The following SHISA8 variants were observed in gnomAD, a reference collection of about 807,000 sequenced individuals.
The protein encoded by SHISA8 is protein shisa-8.
Under a neutral mutation model 21.1 loss-of-function variants are expected in SHISA8, and 21 were observed. The ratio of observed to expected loss-of-function variants is 0.99; its 90% CI spans 0.71 to 1.43. The LOEUF is 1.43. SHISA8 is among the 40% of genes most tolerant of loss of function. The probability of loss-of-function intolerance (pLI) is 0.00; values close to 1 mark genes in which losing one functional copy is unlikely to be tolerated. For missense variants in SHISA8, 535 were observed against 599.1 expected (o/e 0.89, Z 1.12); for synonymous variants, 300 against 291.4 (o/e 1.03, Z -0.30).
intron 1 of SHISA8, among the ~76,000 whole-genome samples, chr22:41,911,630 C>G (rs2146575771): frequency 6.6e-6 from 1 of 152,300 alleles, no homozygotes; most frequent in Non-Finnish European, 1.5e-5. Context: ...AGGGACCTTC[C>G]CCAGGTGAGC....
At position 41,909,861 on chromosome 22, in the gene SHISA8, A is replaced by T. The variant is rs2077535393; in HGVS notation, c.1098T>A (p.Pro366=). 6.5e-7 allele frequency: 1 copy of T among 1,530,472 alleles called. No individual in the cohort carries two copies. The highest frequency in any genetic ancestry group is 8.7e-7 in the Non-Finnish European group (1 of 1,144,558). The allele number at this position is 1,530,472 out of a possible 1,614,324, so 94.8% of individuals were successfully genotyped here. A position where few individuals can be genotyped will look rare whatever the true frequency, so the allele number is the denominator to read the frequency against. Residue 366 remains proline (P), a synonymous_variant, in exon 4 of 4, where the codon CCT becomes CCA. Transcript: ENST00000621082. ...AARRQFSVKM[P]ETFNPQLPGL... ...CGGGGAGCTGCGGGTTGAAGGTCTC[A>T]GGCATCTTCACACTGAACTGGCGCC... is the stretch of plus-strand genomic sequence containing the variant.
Position 41,914,519 on chromosome 22 carries a change from C to A in SHISA8, c.149G>T (p.Gly50Val). ...GTCGCCCCCCTCCGGGGCTGTCGTG[C>A]CGGGCGCCGCGGGACCCTGCGCCTC... The part of the protein sequence containing the change: ...APEAQGPAAP[G>V]TTAPEGGDRC... Residue 50 changes from glycine to valine, a missense_variant, in exon 1 of 4, where the codon GGC becomes GTC. Physicochemically the swap from Gly to Val is moderately radical, Grantham distance 109 (BLOSUM62 -3). Coordinates refer to ENST00000621082, the MANE Select transcript of SHISA8 (RefSeq NM_001207020.3). This position sits in a 1 kb window ranked among gnomAD's most constrained non-coding sequence, Gnocchi z 6.8. The A allele has an allele frequency of 1.6e-6, 2 of 1,225,220 alleles. No individual in the cohort carries two copies. The highest frequency in any genetic ancestry group is 2.0e-6 in the Non-Finnish European group (2 of 983,378). The allele number at this position is 1,225,220 out of a possible 1,614,324, so 75.9% of individuals were successfully genotyped here.
At chr22:41,911,157 G>T in intron 2 of SHISA8, 59 bp downstream of exon 2, 3 of 1,251,832 alleles carry the variant, frequency 2.4e-6, no homozygotes, top group South Asian at 6.5e-5. Flanking sequence ...CCGCCTCTCG[G>T]CCTCTCACGC....
intron 1 of SHISA8, among the ~76,000 whole-genome samples, chr22:41,911,810 A>G (rs2077555103): frequency 6.6e-6 from 1 of 152,030 alleles, no homozygotes; most frequent in African/African-American, 2.4e-5. Context: ...CAATGGCGCA[A>G]TCTTGGCTCA....
In SHISA8 at chr22:41,909,817, C is replaced by G; in HGVS notation, c.1142G>C (p.Gly381Ala). The change falls in exon 4 of 4, where the codon GGC becomes GCC. Residue 381 changes from glycine to alanine, a missense_variant. Physicochemically the swap from Gly to Ala is moderately conservative, Grantham distance 60. Coordinates refer to ENST00000621082, the MANE Select transcript of SHISA8 (RefSeq NM_001207020.3). ...PQLPGLYGSAGRGSRYLRTNS... is the reference protein window; with the variant it reads ...PQLPGLYGSAARGSRYLRTNS... ...GGTCCTTAGGTACCGGGACCCGCGG[C>G]CCGCGCTGCCGTAAAGGCCGGGGAG... The G allele has an allele frequency of 6.6e-7, 1 of 1,519,854 alleles. No individual in the cohort carries two copies. Among genetic ancestry groups the G allele is most frequent in the Middle Eastern group, 1.7e-4 (1 of 5,926 alleles). 94.1% of individuals were successfully genotyped at this position (1,519,854 alleles called of 1,614,324 possible).
intron 1 of SHISA8, among the ~76,000 whole-genome samples, chr22:41,913,902 C>G (rs951299481): frequency 8.6e-5 from 13 of 151,580 alleles, no homozygotes; most frequent in African/African-American, 1.9e-4. Flanking sequence ...AGAGGAGACT[C>G]GAGCAGGGAA....
chr22:41,913,992 G>T (rs557336927), intron 1 of SHISA8, 146 bp downstream of exon 1: 33 of 827,576 alleles, frequency 4.0e-5, no homozygotes, highest in Non-Finnish European at 5.2e-5. Flanking sequence ...GAAGTGTTGG[G>T]GGGGCGGCGG....
chr22:41,914,756 C>T lies in SHISA8; in HGVS notation c.-89G>A, dbSNP rs1281379896. 8 of 927,138 alleles carry T rather than the reference C, an allele frequency of 8.6e-6. No homozygotes were observed. Among genetic ancestry groups the T allele is most frequent in the Non-Finnish European group, 1.0e-5 (8 of 775,464 alleles). The allele number at this position is 927,138 out of a possible 1,614,324, so 57.4% of individuals were successfully genotyped here. On this transcript the variant is annotated 5_prime_UTR_variant, in exon 1 of 4. Coordinates refer to ENST00000621082, the MANE Select transcript of SHISA8 (RefSeq NM_001207020.3). The surrounding 1 kb of genome is among the most constrained non-coding windows in gnomAD (Gnocchi z 6.8). The stretch of plus-strand genomic sequence containing the variant: ...GGCTCCTCCGCTCCCGCAGGGATCG[C>T]GCTGGCTCCCGGCGCACGCCGCCTC...
intron 1 of SHISA8, 85 bp from the exon 2 acceptor site, chr22:41,911,434 C>A: frequency 8.1e-7 from 1 of 1,227,820 alleles, no homozygotes; most frequent in Non-Finnish European, 1.0e-6. Context: ...ACCGTGTGGC[C>A]CTGGGCAGTT....
At chr22:41,912,901 C>T (rs1423001262) in intron 1 of SHISA8, among the ~76,000 whole-genome samples, 1 of 152,238 alleles carries the variant, frequency 6.6e-6, no homozygotes, top group African/African-American at 2.4e-5. Context: ...GCTGCAGCCA[C>T]CCCTCACCAT....
intron 1 of SHISA8, among the ~76,000 whole-genome samples, chr22:41,912,970 A>G (rs1168469955): frequency 1.3e-5 from 2 of 152,162 alleles, no homozygotes; most frequent in African/African-American, 2.4e-5. Context: ...GCCTCTTCCA[A>G]GCTACCCTCA....
rs1185594793 is a variant in SHISA8 at position 41,914,603 on chromosome 22, A to T, written c.65T>A (p.Leu22His). The change falls in exon 1 of 4, where the codon CTC (leucine) becomes CAC (histidine). Residue 22 changes from leucine (L) to histidine (H), a missense_variant. By Grantham distance (99) the Leu-to-His change is moderately conservative. Transcript: ENST00000621082. The surrounding 1 kb of genome is among the most constrained non-coding windows in gnomAD (Gnocchi z 6.8). ...GRRPPGLRLALALRLALLLAR... is the reference protein window; with the variant it reads ...GRRPPGLRLAHALRLALLLAR... ...CAGCAGCAACGCGAGCCGAAGCGCG[A>T]GCGCGAGCCGGAGGCCGGGAGGACG... is the stretch of plus-strand genomic sequence containing the variant. 1.4e-5 allele frequency: 15 copies of T among 1,086,310 alleles called. No individual in the cohort carries two copies. In the East Asian group the frequency reaches 8.2e-4, roughly 59 times the overall value. The allele number at this position is 1,086,310 out of a possible 1,614,324, so 67.3% of individuals were successfully genotyped here.
At position 41,911,204 on chromosome 22, in the gene SHISA8, C is replaced by T; in HGVS notation, c.664+12G>A. 7.9e-7 allele frequency: 1 copy of T among 1,273,256 alleles called. No individual in the cohort carries two copies. The highest frequency in any genetic ancestry group is 9.9e-7 in the Non-Finnish European group (1 of 1,012,046). 78.9% of individuals were successfully genotyped at this position (1,273,256 alleles called of 1,614,324 possible). Reference sequence around the variant, plus strand: ...CTCCGCCGCCGCTCAGCCCCGCCCGCCACCGACTCACCTGCGCTGTTGTGG... The same window carrying T: ...CTCCGCCGCCGCTCAGCCCCGCCCGTCACCGACTCACCTGCGCTGTTGTGG... On this transcript the variant is annotated intron_variant, in intron 2 of 3. Coordinates refer to ENST00000621082, the MANE Select transcript of SHISA8 (RefSeq NM_001207020.3).
chr22:41,911,187 C>T, intron 2 of SHISA8, 29 bp downstream of exon 2: 1 of 1,259,988 alleles, frequency 7.9e-7, no homozygotes, highest in Non-Finnish European at 1.0e-6. Flanking sequence ...TGCTCCGCCG[C>T]CGCTCAGCCC....
rs2077551605 is a variant in SHISA8 at position 41,911,251 on chromosome 22, T to C, written c.629A>G (p.Asp210Gly). 4 of 1,282,336 alleles carry C rather than the reference T, an allele frequency of 3.1e-6. No homozygotes were observed. Among genetic ancestry groups the C allele is most frequent in the South Asian group, 2.6e-5 (1 of 38,138 alleles). 79.4% of individuals were successfully genotyped at this position (1,282,336 alleles called of 1,614,324 possible). Reference protein sequence around the residue: ...LGGCVQVQMGDGLPRGSPHNS... With the variant: ...LGGCVQVQMGGGLPRGSPHNS... ...GTGGGGGGAGCCCCGGGGGAGGCCGTCCCCCATCTGCACCTGGACACAGCC... is the reference window on the plus strand; with the variant it reads ...GTGGGGGGAGCCCCGGGGGAGGCCGCCCCCCATCTGCACCTGGACACAGCC... Residue 210 changes from aspartate to glycine, a missense_variant, in exon 2 of 4, where the codon GAC becomes GGC. Transcript: ENST00000621082.
In SHISA8 at chr22:41,910,590, C is replaced by T. The variant is rs1460801251; in HGVS notation, c.665-36G>A. ...GAGTGAGACGCGGCTCGGTCCGATG[C>T]CCCGGTTCACTCCGCCCTCGCTGTC... On this transcript the variant is annotated intron_variant, in intron 2 of 3. Coordinates refer to ENST00000621082, the MANE Select transcript of SHISA8 (RefSeq NM_001207020.3). This position sits in a 1 kb window ranked among gnomAD's most constrained non-coding sequence, Gnocchi z 6.8. 8.2e-7 allele frequency: 1 copy of T among 1,218,204 alleles called. No individual in the cohort carries two copies. The highest frequency in any genetic ancestry group is 1.0e-6 in the Non-Finnish European group (1 of 978,612). The allele number at this position is 1,218,204 out of a possible 1,614,324, so 75.5% of individuals were successfully genotyped here. A position where few individuals can be genotyped will look rare whatever the true frequency, so the allele number is the denominator to read the frequency against.
Position 41,910,685 on chromosome 22 carries a change from C to A in SHISA8, c.665-131G>T, listed in dbSNP as rs2077545852. The A allele has an allele frequency of 6.4e-6, 7 of 1,085,990 alleles. No homozygotes were observed. The African/African-American group carries it at 6.6e-5, about 10-fold the overall frequency. 67.3% of individuals were successfully genotyped at this position (1,085,990 alleles called of 1,614,324 possible). A position where few individuals can be genotyped will look rare whatever the true frequency, so the allele number is the denominator to read the frequency against. ...GGGGACCGTTCTCCGGGCGAGGCTG[C>A]GAGCCAAGCCTGTCTTCGCCGCAGC... On this transcript the variant is annotated intron_variant, in intron 2 of 3. Coordinates refer to ENST00000621082, the MANE Select transcript of SHISA8 (RefSeq NM_001207020.3). The surrounding 1 kb of genome is among the most constrained non-coding windows in gnomAD (Gnocchi z 6.8).
intron 1 of SHISA8, among the ~76,000 whole-genome samples, chr22:41,912,147 G>T (rs12628569): frequency 1.3e-5 from 2 of 152,238 alleles, no homozygotes; most frequent in East Asian, 3.8e-4. Flanking sequence ...GAATGGGGAT[G>T]TTGGGAGACC....
At position 41,910,928 on chromosome 22, in the gene SHISA8, A is replaced by C. The variant is rs2077548593; in HGVS notation, c.664+288T>G. On this transcript the variant is annotated intron_variant, in intron 2 of 3. Transcript: ENST00000621082. This position sits in a 1 kb window ranked among gnomAD's most constrained non-coding sequence, Gnocchi z 6.8. ...AGCCTGCCTGCCTCTCGAGAGACCC[A>C]GGGGGAGGCTCTGGAGCCCGAGCCT... Among the ~76,000 whole-genome samples the C allele has an allele frequency of 6.6e-6, 1 of 151,968 alleles. No homozygotes were observed. Among genetic ancestry groups the C allele is most frequent in the Non-Finnish European group, 1.5e-5 (1 of 67,982 alleles).
Sources: gnomAD v4.1 joint callset for allele counts (sites outside exome capture counted in the v4.1 genomes callset) on GRCh38, gnomAD v4.1.1 for gene constraint, Gnocchi (gnomAD v3.1) non-coding constraint, MANE v1.5 for transcripts, NCBI Gene and HGNC (gene_info 2026-07-23, HGNC 2026-07-21) for gene names.